The following NFYC variants were observed in gnomAD, a reference collection of about 807,000 sequenced individuals.
NFYC encodes the protein CAAT box DNA-binding protein subunit C.
In NFYC, 25 loss-of-function variants were observed where a neutral mutation model predicts 53.1. The ratio of observed to expected loss-of-function variants is 0.47; its 90% confidence interval spans 0.34 to 0.66. The LOEUF (loss-of-function observed/expected upper bound fraction) is 0.66, where lower values mean the gene tolerates loss of function less well. NFYC is among the 30% of genes least tolerant of loss of function. NFYC has a pLI of 0.01. For missense variants in NFYC, 260 were observed against 422.7 expected (o/e 0.62, Z 3.38); for synonymous variants, 145 against 152.6 (o/e 0.95, Z 0.37).
intron 2 of NFYC, among the ~76,000 whole-genome samples, chr1:40,744,669 C>T (rs571368416): frequency 1.2e-4 from 19 of 152,332 alleles, no homozygotes; most frequent in Admixed American, 9.8e-4. Context: ...AGATAATCTG[C>T]TCTTCTGCCT....
At chr1:40,739,416 C>G (rs895834718) in intron 2 of NFYC, among the ~76,000 whole-genome samples, 1 of 152,192 alleles carries the variant, frequency 6.6e-6, no homozygotes, top group Non-Finnish European at 1.5e-5. Context: ...AGTTTCTCAA[C>G]AGCTGCATTA....
chr1:40,693,233 A>C (rs1160311196), intron 1 of NFYC, among the ~76,000 whole-genome samples: 1 of 152,230 alleles, frequency 6.6e-6, no homozygotes, highest in East Asian at 1.9e-4. Flanking sequence ...TTTCTGGTTC[A>C]TATTCAAAAA....
intron 8 of NFYC, among the ~76,000 whole-genome samples, chr1:40,767,581 C>T (rs757993721): frequency 6.6e-6 from 1 of 152,194 alleles, no homozygotes; most frequent in Non-Finnish European, 1.5e-5. Context: ...ACCCTTCCCC[C>T]AGCCCCTCTT....
Position 40,710,063 on chromosome 1 carries a change from C to G in NFYC, c.-9+18196C>G, listed in dbSNP as rs1445358556. Among the ~76,000 whole-genome samples, 10 of 152,346 alleles carry G rather than the reference C, an allele frequency of 6.6e-5. No individual in the cohort carries two copies. The South Asian group carries it at 8.3e-4, about 13-fold the overall frequency. On this transcript the variant is annotated intron_variant, in intron 1 of 9. Coordinates refer to ENST00000447388, the MANE Select transcript of NFYC (RefSeq NM_014223.5). The stretch of plus-strand genomic sequence containing the variant: ...GAAATTTGTGTGAAAATACGATTTG[C>G]ACTGCTGCAGGTTCTAATGGTGAAG...
intron 7 of NFYC, among the ~76,000 whole-genome samples, chr1:40,764,414 A>G (rs886211251): frequency 6.6e-6 from 1 of 152,214 alleles, no homozygotes; most frequent in African/African-American, 2.4e-5. Flanking sequence ...ACGTGTGCTT[A>G]CGATACCCAG....
intron 7 of NFYC, among the ~76,000 whole-genome samples, 195 bp from the exon 8 acceptor site, chr1:40,766,401 C>T (rs72659590): frequency 1.5e-4 from 23 of 152,268 alleles, no homozygotes; most frequent in Middle Eastern, 3.4e-3. Context: ...CTCTTCTGTG[C>T]TGTGTGACTT....
Position 40,758,127 on chromosome 1 carries a change from G to A in NFYC, c.394G>A (p.Val132Met), listed in dbSNP as rs1056880812. 1.7e-5 allele frequency: 28 copies of A among 1,611,696 alleles called. No homozygotes were observed. Among genetic ancestry groups the A allele is most frequent in the African/African-American group, 1.1e-4 (8 of 74,814 alleles). ...ELKPPKRQEE[V>M]RQSVTPAEPV... ...CTCTCTTTCCACCCAACAGGAGGAGGTGCGCCAGTCTGTAACTCCTGCCGA... is the reference window on the plus strand; with the variant it reads ...CTCTCTTTCCACCCAACAGGAGGAGATGCGCCAGTCTGTAACTCCTGCCGA... Residue 132 changes from valine (V) to methionine (M), a missense_variant, in exon 6 of 10, where the codon GTG becomes ATG. Coordinates refer to ENST00000447388, the MANE Select transcript of NFYC (RefSeq NM_014223.5).
intron 9 of NFYC, 133 bp downstream of exon 9, chr1:40,769,548 C>A: frequency 1.4e-6 from 1 of 738,760 alleles, no homozygotes; most frequent in Non-Finnish European, 2.4e-6. Context: ...ATTGTTAAAA[C>A]AAGTACGGTA....
chr1:40,746,492 A>G (rs142879112), intron 2 of NFYC, among the ~76,000 whole-genome samples: 2 of 152,334 alleles, frequency 1.3e-5, no homozygotes, highest in East Asian at 3.9e-4. Context: ...CAAATCTGAA[A>G]TAATATATGC....
At chr1:40,701,596 G>A (rs1320899738) in intron 1 of NFYC, among the ~76,000 whole-genome samples, 1 of 152,172 alleles carries the variant, frequency 6.6e-6, no homozygotes, top group African/African-American at 2.4e-5. Context: ...CCTGGGTTAG[G>A]TGCTATGCTT....
intron 1 of NFYC, among the ~76,000 whole-genome samples, chr1:40,703,374 C>G (rs765920446): frequency 6.7e-6 from 1 of 149,362 alleles, no homozygotes; most frequent in Non-Finnish European, 1.5e-5. Context: ...TGCCTGTGCT[C>G]CTAGTTATTC....
intron 7 of NFYC, among the ~76,000 whole-genome samples, chr1:40,764,139 G>T (rs895423868): frequency 1.3e-5 from 2 of 151,990 alleles, no homozygotes; most frequent in African/African-American, 4.8e-5. Flanking sequence ...TCTTTACATT[G>T]GTCATTTTGA....
intron 5 of NFYC, among the ~76,000 whole-genome samples, chr1:40,756,572 C>A (rs1469551201): frequency 2.6e-5 from 4 of 152,200 alleles, no homozygotes; most frequent in African/African-American, 9.6e-5. Flanking sequence ...CCCCAGACAT[C>A]AGGCAAACAA....
At chr1:40,731,124 G>A (rs1250975937) in intron 1 of NFYC, among the ~76,000 whole-genome samples, 1 of 152,044 alleles carries the variant, frequency 6.6e-6, no homozygotes, top group Admixed American at 6.6e-5. Flanking sequence ...CTGAACTGTT[G>A]GGATAGGCTT....
intron 1 of NFYC, among the ~76,000 whole-genome samples, chr1:40,704,966 AC>A (rs1485964364): frequency 6.6e-6 from 1 of 152,184 alleles, no homozygotes; most frequent in African/African-American, 2.4e-5. Flanking sequence ...CCCTTTCTGA[AC>A]CTTAACCGTC....
At chr1:40,755,662 A>G (rs1393569025) in intron 5 of NFYC, among the ~76,000 whole-genome samples, 1 of 152,224 alleles carries the variant, frequency 6.6e-6, no homozygotes, top group Non-Finnish European at 1.5e-5. Context: ...TTCATAATGC[A>G]GAAGAGCCTT....
intron 2 of NFYC, among the ~76,000 whole-genome samples, chr1:40,746,110 A>G (rs1213202431): frequency 6.6e-6 from 1 of 152,210 alleles, no homozygotes; most frequent in African/African-American, 2.4e-5. Context: ...CAAGAATAGA[A>G]TGAACCTGCG....
At chr1:40,705,763 T>G (rs1570331244) in intron 1 of NFYC, among the ~76,000 whole-genome samples, 1 of 152,212 alleles carries the variant, frequency 6.6e-6, no homozygotes, top group East Asian at 1.9e-4. Flanking sequence ...ATTTATTTAC[T>G]TGAGGTAGAG....
At position 40,737,991 on chromosome 1, in the gene NFYC, C is replaced by T. The variant is rs866085650; in HGVS notation, c.-8-845C>T. 3.8e-3 allele frequency among the ~76,000 whole-genome samples: 570 copies of T among 150,524 alleles called. 5 individuals carry two copies. Among genetic ancestry groups the T allele is most frequent in the African/African-American group, 0.013 (540 of 40,906 alleles). On this transcript the variant is annotated intron_variant, in intron 1 of 9. Coordinates refer to ENST00000447388, the MANE Select transcript of NFYC (RefSeq NM_014223.5). ...GATCTCGGCTCACTGCAAGCTCCGC[C>T]TCCCGGGTTCACGCCATTCTCCTGC...
Sources: allele counts gnomAD v4.1 joint callset (sites outside exome capture counted in the v4.1 genomes callset), GRCh38; gene constraint gnomAD v4.1.1; transcripts MANE v1.5; gene names NCBI Gene and HGNC (gene_info 2026-07-23, HGNC 2026-07-21).